HDAC4: variants seen among roughly 807,000 people sequenced by gnomAD.
The protein encoded by HDAC4 is histone deacetylase A.
A neutral mutation model predicts 135.1 loss-of-function variants in HDAC4; 16 were observed. The ratio of observed to expected loss-of-function variants is 0.12; its 90% CI spans 0.08 to 0.18. The LOEUF (loss-of-function observed/expected upper bound fraction) is 0.18. Among genes scored for constraint, HDAC4 ranks in the 10% least tolerant of loss-of-function variants. The pLI, the probability that HDAC4 is intolerant of heterozygous loss-of-function variation, is 1.00. For synonymous variants in HDAC4, 685 were observed against 653.4 expected (o/e 1.05, Z -0.74); for missense variants, 1,143 against 1,511.8 (o/e 0.76, Z 4.05).
At chr2:239,109,224 G>A (rs1301974941) in intron 14 of HDAC4, among the ~76,000 whole-genome samples, 1 of 152,228 alleles carries the variant, frequency 6.6e-6, no homozygotes, top group Non-Finnish European at 1.5e-5. Flanking sequence ...GTGAACAGAC[G>A]CCTTCCGCAG....
At chr2:239,214,055 GAC>G in intron 3 of HDAC4, among the ~76,000 whole-genome samples, 1 of 152,328 alleles carries the variant, frequency 6.6e-6, no homozygotes, top group East Asian at 1.9e-4. Flanking sequence ...TGATGTGTGT[GAC>G]ACGTTACTAT....
rs1022880759 is a variant in HDAC4 at position 239,220,632 on chromosome 2, A to G, written c.94+15961T>C. Among the ~76,000 whole-genome samples, 5 of 152,320 alleles carry G rather than the reference A, an allele frequency of 3.3e-5. 1 individual carries two copies. The highest frequency in any genetic ancestry group is 6.8e-3 in the Middle Eastern group (2 of 294). ...TCTTCAACGACACACAGAGTTAGCG[A>G]GAGGAATATAATAAACACCCACGTA... On this transcript the variant is annotated intron_variant, in intron 3 of 26. Coordinates refer to ENST00000543185, the MANE Select transcript of HDAC4 (RefSeq NM_001378414.1).
chr2:239,201,069 T>C (rs573799298), intron 3 of HDAC4, among the ~76,000 whole-genome samples: 76 of 152,282 alleles, frequency 5.0e-4, no homozygotes, highest in African/African-American at 1.8e-3. Flanking sequence ...AGTGCTGATG[T>C]ATTAATTCAT....
At chr2:239,371,233 C>A (rs1025234650) in intron 1 of HDAC4, among the ~76,000 whole-genome samples, 1 of 152,216 alleles carries the variant, frequency 6.6e-6, no homozygotes, top group South Asian at 2.1e-4. Flanking sequence ...CATATAAACA[C>A]GTGTGTCACT....
At position 239,049,219 on chromosome 2, in the gene HDAC4, C is replaced by T. The variant is rs968454434; in HGVS notation, c.*3878G>A. 6.6e-6 allele frequency: 1 copy of T among 152,584 alleles called. No individual in the cohort carries two copies. The highest frequency in any genetic ancestry group is 1.5e-5 in the Non-Finnish European group (1 of 68,010). The allele number at this position is 152,584 out of a possible 1,614,324, so 9.5% of individuals were successfully genotyped here. A position where few individuals can be genotyped will look rare whatever the true frequency, so the allele number is the denominator to read the frequency against. On this transcript the variant is annotated 3_prime_UTR_variant, in exon 27 of 27. Coordinates refer to ENST00000543185, the MANE Select transcript of HDAC4 (RefSeq NM_001378414.1). ...TTTATTTTTCTTACAATAAAAAGTACAATTTCTTAAGAATAAGTTCAATAA... is the reference window on the plus strand; with the variant it reads ...TTTATTTTTCTTACAATAAAAAGTATAATTTCTTAAGAATAAGTTCAATAA...
chr2:239,176,574 A>G lies in HDAC4; in HGVS notation c.340-11T>C. ...CATCTCCTGTTGTTGCTGCAAGTGG[A>G]AGGAGGAGACAGACGGTCAGAGCCC... On this transcript the variant is annotated splice_polypyrimidine_tract_variant and intron_variant, in intron 4 of 26. Coordinates refer to ENST00000543185, the MANE Select transcript of HDAC4 (RefSeq NM_001378414.1). The G allele has an allele frequency of 6.2e-7, 1 of 1,611,866 alleles. No homozygotes were observed. The highest frequency in any genetic ancestry group is 2.2e-5 in the East Asian group (1 of 44,824).
rs562752682 is a variant in HDAC4 at position 239,308,181 on chromosome 2, C to T, written c.22+44497G>A. Among the ~76,000 whole-genome samples, 2 of 152,102 alleles carry T rather than the reference C, an allele frequency of 1.3e-5. No homozygotes were observed. The highest frequency in any genetic ancestry group is 6.5e-5 in the Admixed American group (1 of 15,280). ...TCATCTGTGAGATGGGGGTGGTCAG[C>T]GTGCAGGAAGCCCTCCTTGACGATG... On this transcript the variant is annotated intron_variant, in intron 2 of 26. Coordinates refer to ENST00000543185, the MANE Select transcript of HDAC4 (RefSeq NM_001378414.1). This position sits in a 1 kb window ranked among gnomAD's most constrained non-coding sequence, Gnocchi z 4.2.
chr2:239,373,287 A>G (rs934849119), intron 1 of HDAC4, among the ~76,000 whole-genome samples: 1 of 152,074 alleles, frequency 6.6e-6, no homozygotes, highest in African/African-American at 2.4e-5. Context: ...CTGCCAAGCT[A>G]GGTAAAAAGC....
intron 2 of HDAC4, among the ~76,000 whole-genome samples, chr2:239,277,990 C>CCCAGCCACACACCCCAGCCACACATT (rs2050478859): frequency 6.8e-6 from 1 of 147,526 alleles, no homozygotes; most frequent in Non-Finnish European, 1.5e-5. Flanking sequence ...AGCCACACAC[C>CCCAGCCACACACCCCAGCCACACATT]CCAGCCACAC....
chr2:239,110,518 T>C (rs3791414), intron 14 of HDAC4, among the ~76,000 whole-genome samples: 123,133 of 152,090 alleles, frequency 0.81, 49,947 homozygotes, highest in South Asian at 0.91. Flanking sequence ...TGACCTTCCA[T>C]GGTTTTCTTT....
intron 2 of HDAC4, chr2:239,298,321 T>C (rs1016344538): frequency 1.5e-4 from 187 of 1,234,498 alleles, no homozygotes; most frequent in Non-Finnish European, 1.8e-4. Flanking sequence ...CCCCTGGGCA[T>C]CACGTGGAGA....
rs537797191 is a variant in HDAC4, at chr2:239,095,132, C to T, written c.2234-76G>A. ...TGCTCGACAGGCCCTGGGCGCACTCCGGGGTCTTCAGTGGCACTTGGGCAT... is the reference window on the plus strand; with the variant it reads ...TGCTCGACAGGCCCTGGGCGCACTCTGGGGTCTTCAGTGGCACTTGGGCAT... On this transcript the variant is annotated intron_variant, in intron 16 of 26. Coordinates refer to ENST00000543185, the MANE Select transcript of HDAC4 (RefSeq NM_001378414.1). 176 of 1,519,030 alleles carry T rather than the reference C, an allele frequency of 1.2e-4. 3 individuals carry two copies. The Admixed American group carries it at 2.2e-3, about 19-fold the overall frequency. The allele number at this position is 1,519,030 out of a possible 1,614,324, so 94.1% of individuals were successfully genotyped here.
At chr2:239,283,654 G>C (rs1284248495) in intron 2 of HDAC4, among the ~76,000 whole-genome samples, 1 of 152,220 alleles carries the variant, frequency 6.6e-6, no homozygotes, top group East Asian at 1.9e-4. Context: ...TTATTTAGTC[G>C]TAAGTTTAGC....
intron 16 of HDAC4, among the ~76,000 whole-genome samples, chr2:239,097,974 G>A (rs2037267794): frequency 6.6e-6 from 1 of 152,194 alleles, no homozygotes; most frequent in Admixed American, 6.5e-5. Flanking sequence ...AATAATGCAC[G>A]CGCTCAGCTA....
At chr2:239,380,312 T>A (rs1442033132) in intron 1 of HDAC4, among the ~76,000 whole-genome samples, 1 of 149,928 alleles carries the variant, frequency 6.7e-6, no homozygotes, top group Non-Finnish European at 1.5e-5. Context: ...ATATAATTCA[T>A]GTATTTAATG....
At chr2:239,378,559 G>A (rs904500451) in intron 1 of HDAC4, among the ~76,000 whole-genome samples, 6 of 152,134 alleles carry the variant, frequency 3.9e-5, no homozygotes, top group Admixed American at 3.3e-4. Context: ...CTCCTCTGCA[G>A]GCCTCCATGG....
intron 3 of HDAC4, 76 bp downstream of exon 3, chr2:239,236,517 A>G: frequency 8.2e-7 from 1 of 1,216,168 alleles, no homozygotes; most frequent in African/African-American, 1.5e-5. Flanking sequence ...GCACTCCTCC[A>G]ATAAGGCAGA....
chr2:239,071,785 T>C (rs895403102), intron 22 of HDAC4, among the ~76,000 whole-genome samples: 2 of 152,150 alleles, frequency 1.3e-5, no homozygotes, highest in African/African-American at 4.8e-5. Context: ...CTGGACGCTG[T>C]GGTTTTGGTG....
chr2:239,119,764 T>A (rs1243677744), intron 12 of HDAC4, among the ~76,000 whole-genome samples: 5 of 152,112 alleles, frequency 3.3e-5, no homozygotes, highest in Non-Finnish European at 5.9e-5. Context: ...CAGGAGAGGC[T>A]GCGGGTCTCT....
Sources: gnomAD v4.1 joint callset for allele counts (sites outside exome capture counted in the v4.1 genomes callset) on GRCh38, gnomAD v4.1.1 for gene constraint, Gnocchi (gnomAD v3.1) non-coding constraint, MANE v1.5 for transcripts, NCBI Gene and HGNC (gene_info 2026-07-23, HGNC 2026-07-21) for gene names.